The following MYBPC1 variants were observed in gnomAD, a reference collection of about 807,000 sequenced individuals.
The protein encoded by MYBPC1 is myosin binding protein C1.
In MYBPC1, 52 loss-of-function variants were observed where a neutral mutation model predicts 147.1. That is an observed-to-expected ratio of 0.35 (90% CI 0.28 to 0.45). The LOEUF (loss-of-function observed/expected upper bound fraction) is 0.45. Among genes scored for constraint, MYBPC1 ranks in the 20% least tolerant of loss-of-function variants. The probability of loss-of-function intolerance (pLI) is 1.00; values close to 1 mark genes in which losing one functional copy is unlikely to be tolerated. For synonymous variants in MYBPC1, 477 were observed against 475.9 expected (o/e 1.00, Z -0.03); for missense variants, 1,228 against 1,440.3 (o/e 0.85, Z 2.39).
In MYBPC1 at chr12:101,685,582, G is replaced by C. The variant is rs187572607; in HGVS notation, c.*20G>C. On this transcript the variant is annotated splice_region_variant and 3_prime_UTR_variant, in exon 32 of 32. Coordinates refer to ENST00000361466, the MANE Select transcript of MYBPC1 (RefSeq NM_002465.4). Reference sequence around the variant, plus strand: ...CTGTTTTCCTTTTGGTCCTCTCTAGGTGGGCTCTCCTTCTGCAGACTCCTC... The same window carrying C: ...CTGTTTTCCTTTTGGTCCTCTCTAGCTGGGCTCTCCTTCTGCAGACTCCTC... 6 of 1,525,174 alleles carry C rather than the reference G, an allele frequency of 3.9e-6. No individual in the cohort carries two copies. In the Admixed American group the frequency reaches 1.2e-4, roughly 30 times the overall value. 94.5% of individuals were successfully genotyped at this position (1,525,174 alleles called of 1,614,324 possible). A position where few individuals can be genotyped will look rare whatever the true frequency, so the allele number is the denominator to read the frequency against.
intron 1 of MYBPC1, among the ~76,000 whole-genome samples, chr12:101,612,223 C>A (rs986956363): frequency 3.3e-5 from 5 of 152,098 alleles, no homozygotes; most frequent in Non-Finnish European, 7.4e-5. Flanking sequence ...CCCTATGCAT[C>A]TTACATAGAA....
intron 1 of MYBPC1, among the ~76,000 whole-genome samples, chr12:101,609,989 C>A (rs889598316): frequency 6.6e-6 from 1 of 152,122 alleles, no homozygotes; most frequent in African/African-American, 2.4e-5. Flanking sequence ...GAGAAGCGGG[C>A]AAAGCTAGCC....
chr12:101,688,462 A>G (rs1951379924), downstream of MYBPC1, among the ~76,000 whole-genome samples: 1 of 152,142 alleles, frequency 6.6e-6, no homozygotes, highest in South Asian at 2.1e-4. Context: ...TATTTACCTT[A>G]AAAGAAGGCT....
intron 1 of MYBPC1, among the ~76,000 whole-genome samples, chr12:101,603,051 A>G (rs1405515949): frequency 2.0e-5 from 3 of 152,084 alleles, no homozygotes; most frequent in South Asian, 4.2e-4. Context: ...GGACTTTACA[A>G]TTTCTCTCCC....
intron 11 of MYBPC1, among the ~76,000 whole-genome samples, chr12:101,643,140 A>G (rs1462135111): frequency 6.6e-6 from 1 of 152,184 alleles, no homozygotes; most frequent in Non-Finnish European, 1.5e-5. Flanking sequence ...ATACTCGGTC[A>G]TTATTGGTTA....
chr12:101,629,688 C>G, intron 6 of MYBPC1, 144 bp downstream of exon 6: 1 of 673,620 alleles, frequency 1.5e-6, no homozygotes, highest in East Asian at 2.9e-5. Context: ...GCCTGGCCAA[C>G]ATGGTGAAAC....
chr12:101,631,878 G>A, intron 7 of MYBPC1, 143 bp from the exon 8 acceptor site: 1 of 1,325,262 alleles, frequency 7.5e-7, no homozygotes, highest in Non-Finnish European at 1.1e-6. Context: ...GCCCGGCTGT[G>A]TCCGGGGGCT....
intron 8 of MYBPC1, 133 bp from the exon 9 acceptor site, chr12:101,634,421 C>A: frequency 2.7e-6 from 2 of 729,816 alleles, no homozygotes; most frequent in Non-Finnish European, 4.9e-6. Flanking sequence ...GGCAGCACAG[C>A]CATTCAGGAG....
At chr12:101,644,838 A>G (rs1892733913) in intron 12 of MYBPC1, 42 bp downstream of exon 12, 2 of 1,585,760 alleles carry the variant, frequency 1.3e-6, no homozygotes, top group Non-Finnish European at 1.7e-6. Flanking sequence ...TCTACAGTAA[A>G]TTAATCAAAT....
Position 101,680,517 on chromosome 12 carries a change from C to T in MYBPC1, c.3421C>T (p.Leu1141=), listed in dbSNP as rs778451825. ...DLGTVEIECK[L]EVKVIYQGVN... ...TGGGACAGTGGAGATTGAATGCAAACTGGAGGTGAAAGGTATGACATCCAA... is the reference window on the plus strand; with the variant it reads ...TGGGACAGTGGAGATTGAATGCAAATTGGAGGTGAAAGGTATGACATCCAA... Residue 1141 remains leucine (L), a synonymous_variant, in exon 29 of 32, where the codon CTG becomes TTG. Coordinates refer to ENST00000361466, the MANE Select transcript of MYBPC1 (RefSeq NM_002465.4). The T allele has an allele frequency of 6.2e-6, 10 of 1,613,988 alleles. No individual in the cohort carries two copies. Among genetic ancestry groups the T allele is most frequent in the Non-Finnish European group, 8.5e-6 (10 of 1,179,910 alleles).
At chr12:101,630,579 C>T (rs151047380) in intron 6 of MYBPC1, among the ~76,000 whole-genome samples, 14 of 152,260 alleles carry the variant, frequency 9.2e-5, no homozygotes, top group Admixed American at 3.3e-4. Context: ...TCTACACATG[C>T]GCTAGGTCAT....
chr12:101,638,229 C>T (rs1891374277), intron 10 of MYBPC1, among the ~76,000 whole-genome samples: 1 of 152,198 alleles, frequency 6.6e-6, no homozygotes, highest in Non-Finnish European at 1.5e-5. Flanking sequence ...ATCATTTACT[C>T]AGTCAGGAAA....
chr12:101,597,023 T>C (rs1236649186), intron 1 of MYBPC1, among the ~76,000 whole-genome samples: 2 of 152,240 alleles, frequency 1.3e-5, no homozygotes, highest in African/African-American at 2.4e-5. Flanking sequence ...CCAGCAGAAC[T>C]GATTCTTAAA....
chr12:101,684,252 A>C (rs1249929932), intron 30 of MYBPC1, 130 bp from the exon 31 acceptor site: 3 of 775,108 alleles, frequency 3.9e-6, no homozygotes, highest in Non-Finnish European at 6.8e-6. Context: ...CTTTTACATG[A>C]CTAAGGATTA....
At chr12:101,622,999 T>C (rs1198849602) in intron 3 of MYBPC1, among the ~76,000 whole-genome samples, 1 of 152,172 alleles carries the variant, frequency 6.6e-6, no homozygotes, top group Non-Finnish European at 1.5e-5. Flanking sequence ...TCTTAACATT[T>C]AGTAGACTTT....
downstream of MYBPC1, among the ~76,000 whole-genome samples, chr12:101,689,996 G>A (rs902950842): frequency 8.5e-5 from 13 of 152,230 alleles, no homozygotes; most frequent in Middle Eastern, 3.4e-3. Flanking sequence ...CCAACATGGC[G>A]AAAACCCGTC....
intron 1 of MYBPC1, among the ~76,000 whole-genome samples, chr12:101,596,655 G>C (rs1002233475): frequency 1.3e-5 from 2 of 152,128 alleles, no homozygotes; most frequent in Non-Finnish European, 2.9e-5. Flanking sequence ...TATTCTGATC[G>C]CAAAGGCGAT....
At chr12:101,651,922 A>G (rs1894549883) in intron 16 of MYBPC1, among the ~76,000 whole-genome samples, 1 of 152,224 alleles carries the variant, frequency 6.6e-6, no homozygotes, top group African/African-American at 2.4e-5. Context: ...AAACAGAATG[A>G]GAGACCTTGT....
intron 3 of MYBPC1, 74 bp downstream of exon 3, chr12:101,617,317 A>C (rs1335152834): frequency 6.8e-7 from 1 of 1,466,350 alleles, no homozygotes; most frequent in African/African-American, 1.4e-5. Flanking sequence ...AATGATTGTC[A>C]TGGTGGCTCC....
Sources: allele counts gnomAD v4.1 joint callset (sites outside exome capture counted in the v4.1 genomes callset), GRCh38; gene constraint gnomAD v4.1.1; transcripts MANE v1.5; gene names NCBI Gene and HGNC (gene_info 2026-07-23, HGNC 2026-07-21).